Variants in STUM observed in about 807,000 individuals in gnomAD.
The protein encoded by STUM is stum, mechanosensory transduction mediator homolog.
Under a neutral mutation model 15.3 loss-of-function variants are expected in STUM, and 8 were observed. The observed-to-expected ratio is 0.52, with a 90% CI of 0.31 to 0.94. The LOEUF is 0.94. STUM is among the 40% of genes least tolerant of loss of function. STUM has a pLI of 0.05. For synonymous variants in STUM, 78 were observed against 88.7 expected (o/e 0.88, Z 0.68); for missense variants, 142 against 204.9 (o/e 0.69, Z 1.87).
At chr1:226,559,451 C>T (rs975556464) in intron 1 of STUM, among the ~76,000 whole-genome samples, 3 of 152,194 alleles carry the variant, frequency 2.0e-5, no homozygotes, top group Non-Finnish European at 2.9e-5. Flanking sequence ...GTCACAGTGC[C>T]TGGCTTGTCC....
At chr1:226,599,419 G>T (rs891497414) in intron 2 of STUM, among the ~76,000 whole-genome samples, 1 of 152,234 alleles carries the variant, frequency 6.6e-6, no homozygotes, top group African/African-American at 2.4e-5. Flanking sequence ...CATGGAACTT[G>T]TGTGTCTGAG....
chr1:226,590,081 A>T (rs1668061469), intron 1 of STUM, among the ~76,000 whole-genome samples: 1 of 115,054 alleles, frequency 8.7e-6, no homozygotes, highest in African/African-American at 3.4e-5. Flanking sequence ...TTTGCTTTGG[A>T]TCCCTTCCCC....
intron 1 of STUM, among the ~76,000 whole-genome samples, chr1:226,588,713 G>C (rs1299840650): frequency 6.6e-6 from 1 of 152,210 alleles, no homozygotes; most frequent in Admixed American, 6.5e-5. Flanking sequence ...CAGACTCTTA[G>C]GGTGGTGGGG....
At chr1:226,586,733 C>T (rs536225826) in intron 1 of STUM, among the ~76,000 whole-genome samples, 4 of 152,174 alleles carry the variant, frequency 2.6e-5, no homozygotes, top group Non-Finnish European at 4.4e-5. Flanking sequence ...TGTGAGGTTG[C>T]AAATTCTAAG....
intron 1 of STUM, among the ~76,000 whole-genome samples, chr1:226,566,469 G>C (rs571281126): frequency 1.3e-5 from 2 of 152,298 alleles, no homozygotes; most frequent in South Asian, 4.1e-4. Context: ...AAAAACCTAT[G>C]AGTTAAAAAT....
intron 1 of STUM, among the ~76,000 whole-genome samples, chr1:226,576,716 T>C (rs755881859): frequency 6.6e-6 from 1 of 152,194 alleles, no homozygotes; most frequent in Admixed American, 6.5e-5. Flanking sequence ...CTGTGCCCAT[T>C]AACATGAGCT....
intron 1 of STUM, among the ~76,000 whole-genome samples, chr1:226,578,528 G>T (rs760020539): frequency 1.3e-5 from 2 of 150,796 alleles, no homozygotes; most frequent in African/African-American, 4.9e-5. Context: ...ACCATGCCTG[G>T]CTAATTTTTA....
chr1:226,591,568 C>T (rs1248234371), intron 1 of STUM, among the ~76,000 whole-genome samples: 1 of 152,192 alleles, frequency 6.6e-6, no homozygotes, highest in African/African-American at 2.4e-5. Context: ...ACCAGGCCTT[C>T]CCCGCTCCAC....
At position 226,607,519 on chromosome 1, in the gene STUM, G is replaced by A. The variant is rs949161534; in HGVS notation, c.*5479G>A. 1.3e-5 allele frequency: 2 copies of A among 152,324 alleles called. No homozygotes were observed. The highest frequency in any genetic ancestry group is 4.8e-5 in the African/African-American group (2 of 41,456). 9.4% of individuals were successfully genotyped at this position (152,324 alleles called of 1,614,324 possible). A position where few individuals can be genotyped will look rare whatever the true frequency, so the allele number is the denominator to read the frequency against. On this transcript the variant is annotated 3_prime_UTR_variant, in exon 4 of 4. Coordinates refer to ENST00000366788, the MANE Select transcript of STUM (RefSeq NM_001003665.4). ...TTTCTGTCAGAGCCAAGGGCTTGGAGGCCCAGCCCCATCCGGGCAAGGGCT... is the reference window on the plus strand; with the variant it reads ...TTTCTGTCAGAGCCAAGGGCTTGGAAGCCCAGCCCCATCCGGGCAAGGGCT...
At chr1:226,598,850 T>TG (rs1413638986) in intron 2 of STUM, among the ~76,000 whole-genome samples, 1 of 152,190 alleles carries the variant, frequency 6.6e-6, no homozygotes, top group Non-Finnish European at 1.5e-5. Flanking sequence ...AGAATGCTTT[T>TG]GGGGGGTGTA....
intron 1 of STUM, among the ~76,000 whole-genome samples, chr1:226,584,251 G>T (rs1667963158): frequency 6.6e-6 from 1 of 152,208 alleles, no homozygotes; most frequent in Non-Finnish European, 1.5e-5. Flanking sequence ...TCTACACGAG[G>T]TTTCTCCCTG....
chr1:226,553,012 T>C (rs1288135446), intron 1 of STUM, among the ~76,000 whole-genome samples: 1 of 152,172 alleles, frequency 6.6e-6, no homozygotes, highest in Non-Finnish European at 1.5e-5. Context: ...AATATAAAAG[T>C]GAAGTAGGCC....
At chr1:226,596,449 C>T (rs1668181036) in intron 1 of STUM, among the ~76,000 whole-genome samples, 1 of 152,214 alleles carries the variant, frequency 6.6e-6, no homozygotes, top group Non-Finnish European at 1.5e-5. Context: ...CATAAAGTTG[C>T]CTTTTCCAAC....
chr1:226,595,782 C>T (rs1393646606), intron 1 of STUM, among the ~76,000 whole-genome samples: 1 of 152,176 alleles, frequency 6.6e-6, no homozygotes, highest in Non-Finnish European at 1.5e-5. Flanking sequence ...GGCCACAAGC[C>T]AAGGAATGTA....
chr1:226,593,925 A>G (rs139028455), intron 1 of STUM, among the ~76,000 whole-genome samples: 323 of 152,340 alleles, frequency 2.1e-3, no homozygotes, highest in Non-Finnish European at 3.7e-3. Context: ...AACAAATGCC[A>G]CAGGCGATGA....
chr1:226,568,860 T>A (rs962363629), intron 1 of STUM, among the ~76,000 whole-genome samples: 10 of 152,160 alleles, frequency 6.6e-5, no homozygotes, highest in Admixed American at 4.6e-4. Context: ...GTGGCCTCTC[T>A]TATTCTCTAG....
rs544278244 is a variant in STUM at position 226,604,811 on chromosome 1, G to A, written c.*2771G>A. On this transcript the variant is annotated 3_prime_UTR_variant, in exon 4 of 4. Transcript: ENST00000366788. This position sits in a 1 kb window ranked among gnomAD's most constrained non-coding sequence, Gnocchi z 4.7. ...ACATTCCAGGTTGGGGCCTTTTGTC[G>A]GTCGGAATTCAATAGGACATTCCCT... 3 of 152,444 alleles carry A rather than the reference G, an allele frequency of 2.0e-5. No individual in the cohort carries two copies. The highest frequency in any genetic ancestry group is 4.1e-4 in the South Asian group (2 of 4,824). The allele number at this position is 152,444 out of a possible 1,614,324, so 9.4% of individuals were successfully genotyped here. A position where few individuals can be genotyped will look rare whatever the true frequency, so the allele number is the denominator to read the frequency against.
intron 1 of STUM, among the ~76,000 whole-genome samples, chr1:226,576,577 A>C (rs912573997): frequency 6.6e-6 from 1 of 152,190 alleles, no homozygotes; most frequent in Non-Finnish European, 1.5e-5. Context: ...TAAAATGTGC[A>C]TAACGTAATA....
In STUM at chr1:226,605,822, C is replaced by T. The variant is rs755944793; in HGVS notation, c.*3782C>T. The T allele has an allele frequency of 6.6e-6, 1 of 152,356 alleles. No homozygotes were observed. The highest frequency in any genetic ancestry group is 1.5e-5 in the Non-Finnish European group (1 of 68,186). The allele number at this position is 152,356 out of a possible 1,614,324, so 9.4% of individuals were successfully genotyped here. A position where few individuals can be genotyped will look rare whatever the true frequency, so the allele number is the denominator to read the frequency against. On this transcript the variant is annotated 3_prime_UTR_variant, in exon 4 of 4. Transcript: ENST00000366788. This position sits in a 1 kb window ranked among gnomAD's most constrained non-coding sequence, Gnocchi z 4.0. ...CTTTAGGCAGGCCCAGAAAGGTGCC[C>T]CTTCCTGAGGGTGTTGGGGGATGGC...
Sources: allele counts gnomAD v4.1 joint callset (sites outside exome capture counted in the v4.1 genomes callset), GRCh38; gene constraint gnomAD v4.1.1; non-coding constraint Gnocchi (gnomAD v3.1); transcripts MANE v1.5; gene names NCBI Gene and HGNC (gene_info 2026-07-23, HGNC 2026-07-21).